Variants in LRRC4C observed in about 807,000 individuals in gnomAD.
LRRC4C encodes the protein leucine-rich repeat-containing protein 4C.
LRRC4C carries 5 observed loss-of-function variants against 33.6 expected under a neutral mutation model. The ratio of observed to expected loss-of-function variants is 0.15; its 90% CI spans 0.08 to 0.31. The LOEUF is 0.31. Among genes scored for constraint, LRRC4C ranks in the 10% least tolerant of loss-of-function variants. LRRC4C has a pLI of 1.00. For missense variants in LRRC4C, 560 were observed against 796.7 expected (o/e 0.70, Z 3.58); for synonymous variants, 329 against 302.0 (o/e 1.09, Z -0.93).
chr11:40,326,872 T>A (rs1205579313), intron 3 of LRRC4C, among the ~76,000 whole-genome samples: 4 of 152,132 alleles, frequency 2.6e-5, no homozygotes. Flanking sequence ...ATTGTAAAGG[T>A]AAGATTGAGT....
intron 4 of LRRC4C, among the ~76,000 whole-genome samples, chr11:40,287,105 G>T (rs1368508670): frequency 6.6e-6 from 1 of 152,060 alleles, no homozygotes. Context: ...TGATCTAACA[G>T]AAGAGAATAT....
intron 1 of LRRC4C, among the ~76,000 whole-genome samples, chr11:41,074,812 T>C (rs1462215): frequency 0.97 from 147,750 of 152,140 alleles, 71,917 homozygotes; most frequent in East Asian, 1. Context: ...ATTTCAAGCT[T>C]ACTACCTGGT....
chr11:40,232,513 C>T (rs1331123527), intron 5 of LRRC4C, among the ~76,000 whole-genome samples: 1 of 152,174 alleles, frequency 6.6e-6, no homozygotes, highest in African/African-American at 2.4e-5. Flanking sequence ...GGGTAAACAT[C>T]ACTTGTTATA....
intron 1 of LRRC4C, among the ~76,000 whole-genome samples, chr11:41,385,809 C>T (rs1953339589): frequency 6.6e-6 from 1 of 151,512 alleles, no homozygotes; most frequent in African/African-American, 2.4e-5. Flanking sequence ...CCCTGCAGGA[C>T]AACAAATCTT....
chr11:41,379,797 T>C (rs973848889), intron 1 of LRRC4C, among the ~76,000 whole-genome samples: 1 of 152,126 alleles, frequency 6.6e-6, no homozygotes, highest in African/African-American at 2.4e-5. Flanking sequence ...AATACTGCAT[T>C]GAAATAATTA....
intron 2 of LRRC4C, among the ~76,000 whole-genome samples, chr11:40,856,219 A>C (rs1468674319): frequency 6.6e-6 from 1 of 152,148 alleles, no homozygotes; most frequent in Non-Finnish European, 1.5e-5. Context: ...AAACTGTGAA[A>C]ATGGAAGCAA....
At position 40,693,805 on chromosome 11, in the gene LRRC4C, A is replaced by G. The variant is rs534492320; in HGVS notation, c.-406-45527T>C. ...AGGTAAAGGAAGAGGAGGGAAAATAAAAGGTGAGTTGGAATGACACAACGA... is the reference window on the plus strand; with the variant it reads ...AGGTAAAGGAAGAGGAGGGAAAATAGAAGGTGAGTTGGAATGACACAACGA... On this transcript the variant is annotated intron_variant, in intron 2 of 6. Transcript: ENST00000528697. 2.6e-5 allele frequency among the ~76,000 whole-genome samples: 4 copies of G among 151,590 alleles called. No individual in the cohort carries two copies. In the South Asian group the frequency reaches 8.3e-4, roughly 31 times the overall value.
At chr11:40,851,027 T>G (rs4478975) in intron 2 of LRRC4C, among the ~76,000 whole-genome samples, 1 of 152,152 alleles carries the variant, frequency 6.6e-6, no homozygotes, top group African/African-American at 2.4e-5. Flanking sequence ...GTGCTGGCAG[T>G]GAGAATTTCA....
rs1196621323 is a variant in LRRC4C, at chr11:41,262,253, A to G, written c.-496+197178T>C. On this transcript the variant is annotated intron_variant, in intron 1 of 6. Coordinates refer to ENST00000528697, the MANE Select transcript of LRRC4C (RefSeq NM_001258419.2). ...CACAGATATGCCCATTCATTTTCAT[A>G]TTTTCTGGCTGCTTACACAGTACAA... Among the ~76,000 whole-genome samples the G allele has an allele frequency of 3.3e-5, 5 of 152,016 alleles. No homozygotes were observed. In the South Asian group the frequency reaches 1.0e-3, roughly 31 times the overall value.
At chr11:41,396,225 C>T (rs144365708) in intron 1 of LRRC4C, among the ~76,000 whole-genome samples, 4 of 151,742 alleles carry the variant, frequency 2.6e-5, no homozygotes, top group East Asian at 3.9e-4. Context: ...ACAAGCAAAT[C>T]GAAAAAGTAG....
chr11:40,722,023 G>A (rs966788291), intron 2 of LRRC4C, among the ~76,000 whole-genome samples: 1 of 152,140 alleles, frequency 6.6e-6, no homozygotes, highest in East Asian at 1.9e-4. Context: ...AATAGTGGAA[G>A]AAAGGAGGGA....
intron 1 of LRRC4C, among the ~76,000 whole-genome samples, chr11:41,318,601 C>T (rs1445569771): frequency 6.6e-6 from 1 of 152,208 alleles, no homozygotes; most frequent in African/African-American, 2.4e-5. Context: ...CACTTTTGCT[C>T]TGAGGTGCAT....
intron 1 of LRRC4C, among the ~76,000 whole-genome samples, chr11:41,061,741 G>T (rs1397328642): frequency 1.3e-5 from 2 of 152,202 alleles, no homozygotes; most frequent in African/African-American, 4.8e-5. Context: ...CACATAGAAA[G>T]TAGTGTGAGG....
At chr11:40,554,157 T>A (rs1957238669) in intron 3 of LRRC4C, among the ~76,000 whole-genome samples, 1 of 152,192 alleles carries the variant, frequency 6.6e-6, no homozygotes, top group African/African-American at 2.4e-5. Context: ...CTTTTGCATA[T>A]GGTTAGCCAG....
At chr11:40,661,437 G>A (rs751805868) in intron 2 of LRRC4C, among the ~76,000 whole-genome samples, 14 of 152,126 alleles carry the variant, frequency 9.2e-5, no homozygotes, top group Non-Finnish European at 1.3e-4. Flanking sequence ...TGAATTTAAG[G>A]AAAATCATAT....
At chr11:40,980,709 C>T (rs965054208) in intron 1 of LRRC4C, among the ~76,000 whole-genome samples, 1 of 152,164 alleles carries the variant, frequency 6.6e-6, no homozygotes, top group African/African-American at 2.4e-5. Flanking sequence ...TATTTCATGA[C>T]AGTTTGTGAT....
At chr11:41,290,334 T>A (rs1366731763) in intron 1 of LRRC4C, among the ~76,000 whole-genome samples, 2 of 152,214 alleles carry the variant, frequency 1.3e-5, no homozygotes, top group Admixed American at 1.3e-4. Flanking sequence ...GCAGGTATCA[T>A]GCAAGAATAA....
intron 1 of LRRC4C, among the ~76,000 whole-genome samples, chr11:41,074,249 A>G (rs1054599675): frequency 6.6e-6 from 1 of 152,212 alleles, no homozygotes; most frequent in African/African-American, 2.4e-5. Context: ...CACTAACCTC[A>G]GGAGAATAAA....
chr11:40,361,575 T>C (rs1947951141), intron 3 of LRRC4C, among the ~76,000 whole-genome samples: 1 of 152,066 alleles, frequency 6.6e-6, no homozygotes, highest in East Asian at 1.9e-4. Flanking sequence ...ACAAGGATAA[T>C]TACAAACCAC....
Sources: allele counts gnomAD v4.1 joint callset (sites outside exome capture counted in the v4.1 genomes callset), GRCh38; gene constraint gnomAD v4.1.1; transcripts MANE v1.5; gene names NCBI Gene and HGNC (gene_info 2026-07-23, HGNC 2026-07-21).